INPP4B: variants seen among roughly 807,000 people sequenced by gnomAD.
INPP4B encodes inositol polyphosphate-4-phosphatase type II B.
In INPP4B, 55 loss-of-function variants were observed where a neutral mutation model predicts 122.5. The ratio of observed to expected loss-of-function variants is 0.45; its 90% CI spans 0.36 to 0.56. The LOEUF (loss-of-function observed/expected upper bound fraction) is 0.56. INPP4B is among the 20% of genes least tolerant of loss of function. INPP4B has a pLI of 0.00. For missense variants in INPP4B, 1,000 were observed against 1,097.7 expected (o/e 0.91, Z 1.26); for synonymous variants, 403 against 388.7 (o/e 1.04, Z -0.43).
intron 2 of INPP4B, among the ~76,000 whole-genome samples, chr4:142,498,965 T>C (rs920805045): frequency 6.6e-6 from 1 of 152,192 alleles, no homozygotes; most frequent in Non-Finnish European, 1.5e-5. Context: ...TTGTCAAATA[T>C]AGATGCAATC....
At chr4:142,143,795 C>A (rs1439260748) in intron 18 of INPP4B, among the ~76,000 whole-genome samples, 2 of 151,938 alleles carry the variant, frequency 1.3e-5, no homozygotes, top group Admixed American at 6.6e-5. Context: ...ACTTAAAAAT[C>A]TAAAATAATG....
intron 11 of INPP4B, among the ~76,000 whole-genome samples, chr4:142,246,731 G>A (rs1729057765): frequency 6.6e-6 from 1 of 152,284 alleles, no homozygotes; most frequent in East Asian, 1.9e-4. Flanking sequence ...ATAGAATCAT[G>A]TCATCTGCAA....
chr4:142,108,460 G>C (rs926902952), intron 22 of INPP4B, among the ~76,000 whole-genome samples: 2 of 152,090 alleles, frequency 1.3e-5, no homozygotes, highest in Non-Finnish European at 2.9e-5. Context: ...AACAGTCTCT[G>C]TGCATGGACA....
rs144928389 is a variant in INPP4B, at chr4:142,025,974, T to C, written c.*2808A>G. Reference sequence around the variant, plus strand: ...TGTAAATGAATGGTTTCCTTGTCTTTAAATATGTTTTTCCTAGGGCTCAGT... The same window carrying C: ...TGTAAATGAATGGTTTCCTTGTCTTCAAATATGTTTTTCCTAGGGCTCAGT... On this transcript the variant is annotated 3_prime_UTR_variant, in exon 26 of 26. Transcript: ENST00000262992. 48 of 152,326 alleles carry C rather than the reference T, an allele frequency of 3.2e-4. No homozygotes were observed. The highest frequency in any genetic ancestry group is 5.1e-4 in the Non-Finnish European group (35 of 68,026). The allele number at this position is 152,326 out of a possible 1,614,324, so 9.4% of individuals were successfully genotyped here. A position where few individuals can be genotyped will look rare whatever the true frequency, so the allele number is the denominator to read the frequency against.
intron 10 of INPP4B, among the ~76,000 whole-genome samples, chr4:142,261,541 C>T (rs1740010858): frequency 6.6e-6 from 1 of 152,002 alleles, no homozygotes; most frequent in Non-Finnish European, 1.5e-5. Context: ...CTAAGGGAAC[C>T]AGCCATCCTT....
intron 1 of INPP4B, among the ~76,000 whole-genome samples, chr4:142,767,417 T>C (rs1273279610): frequency 6.6e-6 from 1 of 152,158 alleles, no homozygotes; most frequent in Non-Finnish European, 1.5e-5. Flanking sequence ...ATATCTGTTA[T>C]AAACCTCATT....
intron 1 of INPP4B, among the ~76,000 whole-genome samples, chr4:142,727,140 CCTT>C (rs1409443796): frequency 2.0e-5 from 3 of 152,096 alleles, no homozygotes; most frequent in African/African-American, 7.2e-5. Flanking sequence ...AAGAAAGAGT[CCTT>C]CTGGGTCTTT....
intron 11 of INPP4B, among the ~76,000 whole-genome samples, chr4:142,258,265 G>A (rs1468743197): frequency 1.3e-5 from 2 of 152,046 alleles, no homozygotes; most frequent in Non-Finnish European, 2.9e-5. Flanking sequence ...AGAAAACCTA[G>A]GCATTACCAT....
At chr4:142,281,826 T>G (rs890780250) in intron 9 of INPP4B, among the ~76,000 whole-genome samples, 1 of 152,116 alleles carries the variant, frequency 6.6e-6, no homozygotes, top group Admixed American at 6.6e-5. Flanking sequence ...TAAAATCCTG[T>G]GATTTTTAAA....
intron 2 of INPP4B, among the ~76,000 whole-genome samples, chr4:142,646,773 C>CA (rs543030882): frequency 3.9e-5 from 6 of 152,164 alleles, no homozygotes; most frequent in Non-Finnish European, 8.8e-5. Flanking sequence ...AGAAAGTAAC[C>CA]AATCTAGATT....
At chr4:142,348,304 G>A (rs1780909329) in intron 7 of INPP4B, among the ~76,000 whole-genome samples, 1 of 152,012 alleles carries the variant, frequency 6.6e-6, no homozygotes, top group South Asian at 2.1e-4. Context: ...AGATAAAAAT[G>A]CAGTGACCTT....
intron 2 of INPP4B, among the ~76,000 whole-genome samples, chr4:142,573,492 A>C (rs1454723439): frequency 6.6e-6 from 1 of 152,134 alleles, no homozygotes; most frequent in African/African-American, 2.4e-5. Context: ...TCAAAGAAGA[A>C]AATTCAAAAA....
In INPP4B at chr4:142,399,189, C is replaced by CTTTTTT. The variant is rs70949166; in HGVS notation, c.372+3743_372+3748dup. On this transcript the variant is annotated intron_variant, in intron 7 of 25. Coordinates refer to ENST00000262992, the MANE Select transcript of INPP4B (RefSeq NM_001101669.3). Reference sequence around the variant, plus strand: ...CTTTTCCTTTCTAAATTTCCTTTTGCTTTTTTTTTTTTTTTTTTTTTTTTT... The same window carrying CTTTTTT: ...CTTTTCCTTTCTAAATTTCCTTTTGCTTTTTTTTTTTTTTTTTTTTTTTTTTTTTTT... 1.6e-4 allele frequency among the ~76,000 whole-genome samples: 9 copies of CTTTTTT among 56,948 alleles called. 1 individual carries two copies. Among genetic ancestry groups the CTTTTTT allele is most frequent in the African/African-American group, 3.5e-4 (5 of 14,266 alleles). The allele number at this position is 56,948 out of a possible 152,430, so 37.4% of individuals were successfully genotyped here. A position where few individuals can be genotyped will look rare whatever the true frequency, so the allele number is the denominator to read the frequency against.
At chr4:142,066,911 A>G (rs1763839693) in intron 25 of INPP4B, among the ~76,000 whole-genome samples, 1 of 152,236 alleles carries the variant, frequency 6.6e-6, no homozygotes, top group Non-Finnish European at 1.5e-5. Flanking sequence ...GCATAGCTGA[A>G]CAAAAGGGAG....
At chr4:142,200,637 A>G (rs1274540884) in intron 14 of INPP4B, among the ~76,000 whole-genome samples, 1 of 152,010 alleles carries the variant, frequency 6.6e-6, no homozygotes, top group Non-Finnish European at 1.5e-5. Flanking sequence ...AAAGTAAGTT[A>G]AAAAATAAAG....
chr4:142,256,654 G>C (rs994125290), intron 11 of INPP4B, among the ~76,000 whole-genome samples: 18 of 152,134 alleles, frequency 1.2e-4, no homozygotes, highest in Non-Finnish European at 2.9e-5. Context: ...GACTAAACCA[G>C]GAAGAAGTTG....
chr4:142,751,283 CA>C (rs70949187), intron 1 of INPP4B, among the ~76,000 whole-genome samples: 1,548 of 105,006 alleles, frequency 0.015, 6 homozygotes, highest in Non-Finnish European at 0.018. Flanking sequence ...TTAACTGTGT[CA>C]AAAAAAAAAA....
intron 12 of INPP4B, among the ~76,000 whole-genome samples, chr4:142,232,970 C>G (rs979149793): frequency 3.3e-5 from 5 of 151,918 alleles, no homozygotes; most frequent in African/African-American, 1.2e-4. Context: ...GTGAGTAAGC[C>G]AAAGAAGAAA....
intron 1 of INPP4B, among the ~76,000 whole-genome samples, chr4:142,755,475 C>G (rs1464931015): frequency 6.6e-6 from 1 of 151,840 alleles, no homozygotes; most frequent in Non-Finnish European, 1.5e-5. Context: ...CTTCCAAACA[C>G]AAAGCTATAA....
Sources: allele counts gnomAD v4.1 joint callset (sites outside exome capture counted in the v4.1 genomes callset), GRCh38; gene constraint gnomAD v4.1.1; transcripts MANE v1.5; gene names NCBI Gene and HGNC (gene_info 2026-07-23, HGNC 2026-07-21).